The following SPECC1 variants were observed in gnomAD, a reference collection of about 807,000 sequenced individuals.
The protein encoded by SPECC1 is cytospin-B.
In SPECC1, 62 loss-of-function variants were observed where a neutral mutation model predicts 104.1. That is an observed-to-expected ratio of 0.60 (90% CI 0.49 to 0.74). The LOEUF (loss-of-function observed/expected upper bound fraction) is 0.74, where lower values mean the gene tolerates loss of function less well. SPECC1 is among the 30% of genes least tolerant of loss of function. SPECC1 has a pLI of 0.00. For synonymous variants in SPECC1, 513 were observed against 501.6 expected (o/e 1.02, Z -0.30); for missense variants, 1,306 against 1,310.5 (o/e 1.00, Z 0.05).
chr17:20,267,249 T>G (rs2040246920), intron 12 of SPECC1, among the ~76,000 whole-genome samples: 1 of 152,164 alleles, frequency 6.6e-6, no homozygotes, highest in Non-Finnish European at 1.5e-5. Context: ...AATTTCATAC[T>G]CCTGATGTGT....
At chr17:20,269,651 G>A (rs1488195657) in intron 12 of SPECC1, among the ~76,000 whole-genome samples, 1 of 152,200 alleles carries the variant, frequency 6.6e-6, no homozygotes, top group African/African-American at 2.4e-5. Flanking sequence ...TGGGATTACA[G>A]GTGTGAGCCC....
At chr17:20,107,371 A>T (rs947755090) in intron 2 of SPECC1, among the ~76,000 whole-genome samples, 1 of 150,958 alleles carries the variant, frequency 6.6e-6, no homozygotes, top group East Asian at 2.0e-4. Flanking sequence ...AGCATTTGGG[A>T]GGCTGAGGTG....
At chr17:20,028,204 G>A (rs1486362079) in intron 1 of SPECC1, among the ~76,000 whole-genome samples, 1 of 151,366 alleles carries the variant, frequency 6.6e-6, no homozygotes, top group Non-Finnish European at 1.5e-5. Context: ...AAAATCATTT[G>A]GGCTGGATGT....
chr17:20,132,543 A>AT lies in SPECC1; in HGVS notation c.283+21990dup, dbSNP rs966262302. ...TTTGTTTGTTTGTTTGTTTGTTTTC[A>AT]TTTTTTTTTGGCTTTTTTTTTTGGT... On this transcript the variant is annotated intron_variant, in intron 3 of 14. Coordinates refer to ENST00000395527, the MANE Select transcript of SPECC1 (RefSeq NM_001243439.2). Among the ~76,000 whole-genome samples the AT allele has an allele frequency of 9.0e-3, 1,271 of 141,454 alleles. 14 individuals are homozygous for AT. The highest frequency in any genetic ancestry group is 0.023 in the African/African-American group (870 of 37,868). The allele number at this position is 141,454 out of a possible 152,430, so 92.8% of individuals were successfully genotyped here.
intron 3 of SPECC1, among the ~76,000 whole-genome samples, chr17:20,147,236 TAA>T (rs1438197641): frequency 6.6e-6 from 1 of 152,092 alleles, no homozygotes; most frequent in Non-Finnish European, 1.5e-5. Flanking sequence ...CATGCCCGGC[TAA>T]TTTTGTATTT....
chr17:20,227,038 C>G (rs1228559779), intron 4 of SPECC1, among the ~76,000 whole-genome samples: 1 of 138,242 alleles, frequency 7.2e-6, no homozygotes, highest in Non-Finnish European at 1.6e-5. Context: ...CAGGGAAGCA[C>G]TGCTCTCCCC....
At position 20,315,634 on chromosome 17, in the gene SPECC1, T is replaced by G. The variant is rs1173434614; in HGVS notation, c.*1569T>G. On this transcript the variant is annotated 3_prime_UTR_variant, in exon 15 of 15. Transcript: ENST00000395527. ...CAAAGTACATCTCTGATTGCTGATC[T>G]GAGCCACTGGTTCAGAGCCAGGTTC... The G allele has an allele frequency of 8.6e-6, 2 of 232,436 alleles. No homozygotes were observed. Among genetic ancestry groups the G allele is most frequent in the East Asian group, 1.2e-4 (2 of 16,460 alleles). The allele number at this position is 232,436 out of a possible 1,614,324, so 14.4% of individuals were successfully genotyped here. A position where few individuals can be genotyped will look rare whatever the true frequency, so the allele number is the denominator to read the frequency against.
At chr17:20,121,345 A>T (rs979743671) in intron 3 of SPECC1, among the ~76,000 whole-genome samples, 4 of 139,576 alleles carry the variant, frequency 2.9e-5, no homozygotes, top group African/African-American at 1.1e-4. Flanking sequence ...CTGAATTCCA[A>T]AAAAGAATTC....
chr17:20,119,642 AG>A (rs1378015887), intron 3 of SPECC1, among the ~76,000 whole-genome samples: 1 of 152,280 alleles, frequency 6.6e-6, no homozygotes, highest in East Asian at 1.9e-4. Context: ...CATTTGGAAT[AG>A]GTGAATACCA....
chr17:20,087,734 GA>G (rs1488179938), intron 1 of SPECC1, among the ~76,000 whole-genome samples: 2 of 152,204 alleles, frequency 1.3e-5, no homozygotes. Flanking sequence ...TGCTATCACG[GA>G]CCTTCCCTAG....
intron 4 of SPECC1, among the ~76,000 whole-genome samples, chr17:20,212,988 G>A (rs965652529): frequency 2.0e-5 from 3 of 152,116 alleles, no homozygotes; most frequent in African/African-American, 7.2e-5. Flanking sequence ...CTGTTGTCTA[G>A]TATTTTTTCA....
chr17:20,036,115 T>A (rs1206749434), intron 1 of SPECC1, among the ~76,000 whole-genome samples: 1 of 151,954 alleles, frequency 6.6e-6, no homozygotes, highest in African/African-American at 2.4e-5. Flanking sequence ...TTGGCTGCTT[T>A]GCATTTAAGA....
At chr17:20,110,402 C>T (rs937097348) in intron 2 of SPECC1, 25 bp from the exon 3 acceptor site, 2 of 1,596,138 alleles carry the variant, frequency 1.3e-6, no homozygotes, top group African/African-American at 2.7e-5. Context: ...TCTTCATCCT[C>T]TCTCTTTCCT....
intron 3 of SPECC1, among the ~76,000 whole-genome samples, chr17:20,137,071 C>T (rs1028867028): frequency 6.6e-6 from 1 of 152,268 alleles, no homozygotes; most frequent in African/African-American, 2.4e-5. Flanking sequence ...TCGGAAACCA[C>T]TCAGCTCCTT....
chr17:20,137,120 G>C (rs1244980060), intron 3 of SPECC1, among the ~76,000 whole-genome samples: 1 of 152,186 alleles, frequency 6.6e-6, no homozygotes, highest in African/African-American at 2.4e-5. Flanking sequence ...CGAGATTTCT[G>C]CCCACTCCTG....
intron 7 of SPECC1, among the ~76,000 whole-genome samples, chr17:20,241,289 G>A (rs111626219): frequency 0.03 from 4,599 of 152,216 alleles, 87 homozygotes; most frequent in Non-Finnish European, 0.048. Context: ...CATTTTAGGT[G>A]CACACTGTGG....
chr17:20,116,845 C>G (rs2048785827), intron 3 of SPECC1, among the ~76,000 whole-genome samples: 1 of 109,992 alleles, frequency 9.1e-6, no homozygotes, highest in African/African-American at 3.5e-5. Flanking sequence ...GCTGTCATGA[C>G]TCGGGGCTGC....
chr17:20,227,409 T>C lies in SPECC1; in HGVS notation c.1864-4T>C. On this transcript the variant is annotated splice_polypyrimidine_tract_variant and splice_region_variant and intron_variant, in intron 4 of 14. Coordinates refer to ENST00000395527, the MANE Select transcript of SPECC1 (RefSeq NM_001243439.2). ...CTGACCAAGGAACCTTCCTTTTATT[T>C]TAGGTGGAAAAGGATTATTCATACC... The C allele has an allele frequency of 6.2e-7, 1 of 1,610,364 alleles. No homozygotes were observed. The highest frequency in any genetic ancestry group is 8.5e-7 in the Non-Finnish European group (1 of 1,178,238).
chr17:20,185,557 TC>T (rs1368140860), intron 3 of SPECC1, among the ~76,000 whole-genome samples: 3 of 152,206 alleles, frequency 2.0e-5, no homozygotes, highest in Admixed American at 6.5e-5. Context: ...GCCAAGCTCT[TC>T]CCAAATTCCT....
Sources: gnomAD v4.1 joint callset for allele counts (sites outside exome capture counted in the v4.1 genomes callset) on GRCh38, gnomAD v4.1.1 for gene constraint, MANE v1.5 for transcripts, NCBI Gene and HGNC (gene_info 2026-07-23, HGNC 2026-07-21) for gene names.